The following CSMD1 variants were observed in gnomAD, a reference collection of about 807,000 sequenced individuals.
CSMD1 encodes CUB and Sushi multiple domains 1.
CSMD1 carries 213 observed loss-of-function variants against 417.5 expected under a neutral mutation model. That is an observed-to-expected ratio of 0.51 (90% CI 0.46 to 0.57). The LOEUF is 0.57. Among genes scored for constraint, CSMD1 ranks in the 20% least tolerant of loss-of-function variants. CSMD1 has a pLI of 0.00. For synonymous variants in CSMD1, 2,862 were observed against 1,736.8 expected, an observed-to-expected ratio of 1.65 and a Z score of -16.11; for missense variants, 6,923 against 4,529.7, an observed-to-expected ratio of 1.53 and a Z score of -15.17.
intron 18 of CSMD1, among the ~76,000 whole-genome samples, chr8:3,385,990 G>A (rs1810980403): frequency 6.6e-6 from 1 of 152,096 alleles, no homozygotes; most frequent in Non-Finnish European, 1.5e-5. Context: ...GTACATTTTA[G>A]CAATTGTCTA....
At chr8:3,617,165 T>A (rs1802181669) in intron 7 of CSMD1, among the ~76,000 whole-genome samples, 1 of 152,194 alleles carries the variant, frequency 6.6e-6, no homozygotes, top group Non-Finnish European at 1.5e-5. Context: ...AAGAAAGTCT[T>A]CACTTATTCC....
At chr8:4,446,882 A>G (rs184670602) in intron 2 of CSMD1, among the ~76,000 whole-genome samples, 90 of 151,058 alleles carry the variant, frequency 6.0e-4, no homozygotes, top group African/African-American at 1.9e-3. Flanking sequence ...TGGCCTCCCA[A>G]TGTTCTGGGA....
chr8:3,687,079 A>G (rs1799978925), intron 7 of CSMD1, among the ~76,000 whole-genome samples: 1 of 152,224 alleles, frequency 6.6e-6, no homozygotes, highest in African/African-American at 2.4e-5. Context: ...GATATCAAAT[A>G]CCAAATGTAT....
At chr8:4,523,648 T>G (rs141543486) in intron 2 of CSMD1, among the ~76,000 whole-genome samples, 4 of 152,292 alleles carry the variant, frequency 2.6e-5, no homozygotes, top group African/African-American at 9.6e-5. Context: ...GTCCGGGGCC[T>G]GAAGGCAACT....
At chr8:4,386,526 C>G (rs1438515416) in intron 3 of CSMD1, among the ~76,000 whole-genome samples, 2 of 152,342 alleles carry the variant, frequency 1.3e-5, no homozygotes, top group Non-Finnish European at 2.9e-5. Flanking sequence ...TTGTCTAACT[C>G]TAAAGAGGAA....
chr8:4,531,920 C>T (rs574014618), intron 2 of CSMD1, among the ~76,000 whole-genome samples: 62 of 150,358 alleles, frequency 4.1e-4, no homozygotes, highest in African/African-American at 1.3e-3. Flanking sequence ...GAAAAGAAAT[C>T]CTGCAAGCCC....
chr8:3,414,594 C>T lies in CSMD1; in HGVS notation c.1562-4989G>A, dbSNP rs976305662. ...CTCAAACTCCAGTGCTAAGGATAACCGTACCTTGCTTGAAATTTTTCTGGT... is the reference window on the plus strand; with the variant it reads ...CTCAAACTCCAGTGCTAAGGATAACTGTACCTTGCTTGAAATTTTTCTGGT... On this transcript the variant is annotated intron_variant, in intron 12 of 69. Transcript: ENST00000635120. Among the ~76,000 whole-genome samples the T allele has an allele frequency of 9.9e-5, 15 of 152,102 alleles. 1 individual carries two copies. Among genetic ancestry groups the T allele is most frequent in the African/African-American group, 3.6e-4 (15 of 41,420 alleles).
chr8:3,476,153 C>T lies in CSMD1; in HGVS notation c.1449-7329G>A, dbSNP rs181485738. ...AGTCCAGGAGTTCAAGACTAGCCTG[C>T]GCAACATAGCGAGGCCTTGGCTCAA... On this transcript the variant is annotated intron_variant, in intron 11 of 69. Coordinates refer to ENST00000635120, the MANE Select transcript of CSMD1 (RefSeq NM_033225.6). Among the ~76,000 whole-genome samples the T allele has an allele frequency of 7.2e-5, 11 of 152,234 alleles. No individual in the cohort carries two copies. In the East Asian group the frequency reaches 7.8e-4, roughly 11 times the overall value.
intron 3 of CSMD1, among the ~76,000 whole-genome samples, chr8:4,067,582 T>G (rs1245973083): frequency 3.3e-5 from 5 of 152,210 alleles, no homozygotes; most frequent in Non-Finnish European, 7.3e-5. Flanking sequence ...ACAACAGCAT[T>G]TTTGTTTATT....
chr8:4,465,022 A>G (rs1018162608), intron 2 of CSMD1, among the ~76,000 whole-genome samples: 1 of 152,130 alleles, frequency 6.6e-6, no homozygotes, highest in Non-Finnish European at 1.5e-5. Context: ...GGAAAGGAAG[A>G]AAATAGGAAA....
intron 3 of CSMD1, among the ~76,000 whole-genome samples, chr8:4,314,660 T>C: frequency 6.6e-6 from 1 of 152,152 alleles, no homozygotes; most frequent in East Asian, 1.9e-4. Flanking sequence ...CATTACCATT[T>C]GTGAGTTAAG....
At chr8:4,481,448 G>C (rs1405202735) in intron 2 of CSMD1, among the ~76,000 whole-genome samples, 1 of 152,162 alleles carries the variant, frequency 6.6e-6, no homozygotes, top group African/African-American at 2.4e-5. Context: ...TTCTTAGTGG[G>C]AGATAAAATA....
intron 49 of CSMD1, among the ~76,000 whole-genome samples, chr8:3,059,039 G>A (rs541310073): frequency 4.2e-4 from 64 of 151,308 alleles, no homozygotes; most frequent in Middle Eastern, 3.4e-3. Flanking sequence ...TTTTTTTTCC[G>A]CTAACCCTGC....
chr8:4,419,382 A>G (rs1388925238), intron 3 of CSMD1, among the ~76,000 whole-genome samples: 5 of 152,218 alleles, frequency 3.3e-5, no homozygotes, highest in Non-Finnish European at 7.3e-5. Context: ...TGCATTTAAA[A>G]AAAATTTCTG....
chr8:3,734,296 G>A (rs535761139), intron 6 of CSMD1, among the ~76,000 whole-genome samples: 7 of 152,136 alleles, frequency 4.6e-5, no homozygotes, highest in East Asian at 1.9e-4. Context: ...GCTTCCAGGC[G>A]GGGTCTGCTG....
intron 2 of CSMD1, among the ~76,000 whole-genome samples, chr8:4,588,394 ATAAAGACAGAGATAAAGAACTAT>A (rs1799811937): frequency 1.6e-5 from 1 of 61,664 alleles, no homozygotes; most frequent in Non-Finnish European, 3.7e-5. Context: ...GAACTATCTC[ATAAAGACAGAGATAAAGAACTAT>A]CTCTTCCTCT....
intron 1 of CSMD1, among the ~76,000 whole-genome samples, chr8:4,775,216 A>G (rs960794233): frequency 3.9e-5 from 6 of 152,190 alleles, no homozygotes; most frequent in African/African-American, 1.4e-4. Context: ...ATTGTAGGAC[A>G]TATCACTAAA....
chr8:2,968,947 G>C (rs961214614), intron 57 of CSMD1, among the ~76,000 whole-genome samples: 19 of 152,040 alleles, frequency 1.2e-4, no homozygotes, highest in East Asian at 5.8e-4. Context: ...AAAATATTAT[G>C]CTTATTTTAA....
At chr8:3,626,370 A>G (rs1796494136) in intron 7 of CSMD1, among the ~76,000 whole-genome samples, 1 of 152,220 alleles carries the variant, frequency 6.6e-6, no homozygotes, top group Admixed American at 6.5e-5. Context: ...GTCTCCTCAC[A>G]GTGAAAGTAG....
Sources: allele counts gnomAD v4.1 joint callset (sites outside exome capture counted in the v4.1 genomes callset), GRCh38; gene constraint gnomAD v4.1.1; transcripts MANE v1.5; gene names NCBI Gene and HGNC (gene_info 2026-07-23, HGNC 2026-07-21).